Variants in EHD2 observed in about 807,000 individuals in gnomAD.
EHD2 encodes the protein EH domain-containing protein 2.
A neutral mutation model predicts 41.0 loss-of-function variants in EHD2; 27 were observed. That is an observed-to-expected ratio of 0.66 (90% confidence interval 0.49 to 0.91). EHD2 has a LOEUF of 0.91. EHD2 is among the 40% of genes least tolerant of loss of function. The pLI, the probability that EHD2 is intolerant of heterozygous loss-of-function variation, is 0.00. For synonymous variants in EHD2, 342 were observed against 341.0 expected (o/e 1.00, Z -0.03); for missense variants, 673 against 773.9 (o/e 0.87, Z 1.55).
chr19:47,724,372 A>G (rs1190556682), intron 3 of EHD2, among the ~76,000 whole-genome samples: 4 of 152,134 alleles, frequency 2.6e-5, no homozygotes, highest in Non-Finnish European at 5.9e-5. Context: ...CAACAGTCCT[A>G]TGATTTGCAT....
intron 1 of EHD2, among the ~76,000 whole-genome samples, chr19:47,713,751 T>C (rs1397683765): frequency 1.3e-5 from 2 of 149,568 alleles, no homozygotes; most frequent in African/African-American, 4.9e-5. Context: ...TCCTCCAGTC[T>C]TTCGCAGCCT....
chr19:47,728,728 C>T (rs955137940), intron 4 of EHD2, among the ~76,000 whole-genome samples: 1 of 151,450 alleles, frequency 6.6e-6, no homozygotes, highest in African/African-American at 2.4e-5. Context: ...GCCACCACAC[C>T]CAGCTAATTT....
Position 47,719,652 on chromosome 19 carries a change from G to C in EHD2, c.502+1046G>C, listed in dbSNP as rs900087243. Among the ~76,000 whole-genome samples the C allele has an allele frequency of 6.6e-6, 1 of 152,142 alleles. No homozygotes were observed. The highest frequency in any genetic ancestry group is 1.5e-5 in the Non-Finnish European group (1 of 68,014). On this transcript the variant is annotated intron_variant, in intron 3 of 5. Transcript: ENST00000263277. This position sits in a 1 kb window ranked among gnomAD's most constrained non-coding sequence, Gnocchi z 4.1. ...GGCCTGGGGTGGGGTGGGGACGCTG[G>C]GGGTGACCATGTCTCTGGCTGCCGT...
chr19:47,739,274 ATTTTTTTTT>A (rs57266469), intron 5 of EHD2, among the ~76,000 whole-genome samples: 176 of 116,050 alleles, frequency 1.5e-3, no homozygotes, highest in African/African-American at 4.7e-3. Context: ...CTAATTTTTA[ATTTTTTTTT>A]TTTTTTTTTT....
chr19:47,738,685 G>A (rs1966950375), intron 5 of EHD2, among the ~76,000 whole-genome samples: 1 of 152,252 alleles, frequency 6.6e-6, no homozygotes, highest in Non-Finnish European at 1.5e-5. Context: ...AGCTGCACAT[G>A]CAACCTGTGC....
Position 47,740,971 on chromosome 19 carries a change from G to A in EHD2, c.1171G>A (p.Ala391Thr), listed in dbSNP as rs775528505. 6.8e-6 allele frequency: 11 copies of A among 1,612,116 alleles called. No individual in the cohort carries two copies. In the Admixed American group the frequency reaches 1.2e-4, roughly 17 times the overall value. Residue 391 changes from alanine (A) to threonine (T), a missense_variant, in exon 6 of 6, where the codon GCC becomes ACC. Ala to Thr is a moderately conservative substitution (Grantham distance 58, BLOSUM62 0). Coordinates refer to ENST00000263277, the MANE Select transcript of EHD2 (RefSeq NM_014601.4). The stretch of plus-strand genomic sequence containing the variant: ...GGACGAGATGCTGACGCACGACATC[G>A]CCAAGCTCATGCCCCTGCTGCGGCA... ...ALDEMLTHDI[A>T]KLMPLLRQEE...
At position 47,726,056 on chromosome 19, in the gene EHD2, G is replaced by A. The variant is rs564807856; in HGVS notation, c.747G>A (p.Val249=). 4.2e-5 allele frequency: 67 copies of A among 1,586,800 alleles called. No individual in the cohort carries two copies. In the South Asian group the frequency reaches 6.9e-4, roughly 16 times the overall value. The change falls in exon 4 of 6, where the codon GTG becomes GTA. Residue 249 remains valine, a synonymous_variant. Coordinates refer to ENST00000263277, the MANE Select transcript of EHD2 (RefSeq NM_014601.4). ...GCAAGGTGGTGGGCACGCCCGAGGTGCTGCGCGTCTACATCGGCTCCTTCT... is the reference window on the plus strand; with the variant it reads ...GCAAGGTGGTGGGCACGCCCGAGGTACTGCGCGTCTACATCGGCTCCTTCT... ...ALGKVVGTPE[V]LRVYIGSFWS...
At chr19:47,733,261 T>C (rs1177612734) in intron 4 of EHD2, among the ~76,000 whole-genome samples, 3 of 149,258 alleles carry the variant, frequency 2.0e-5, no homozygotes, top group African/African-American at 4.9e-5. Context: ...TTTGAGACAG[T>C]GTCTTGCTCT....
rs201207596 is a variant in EHD2 at position 47,716,958 on chromosome 19, G to A, written c.346G>A (p.Val116Met). Residue 116 changes from valine (V) to methionine (M), a missense_variant, in exon 2 of 6, where the codon GTG becomes ATG. Physicochemically the swap from Val to Met is conservative, Grantham distance 21. Coordinates refer to ENST00000263277, the MANE Select transcript of EHD2 (RefSeq NM_014601.4). ...CACCGTGCCCGGCAACGCCCTCGTC[G>A]TGGACCCGGACAAGCCCTTCCGCAA... is the stretch of plus-strand genomic sequence containing the variant. Reference protein sequence around the residue: ...EGTVPGNALVVDPDKPFRKLN... With the variant: ...EGTVPGNALVMDPDKPFRKLN... The A allele has an allele frequency of 3.0e-4, 482 of 1,606,122 alleles. 1 individual carries two copies. Among genetic ancestry groups the A allele is most frequent in the Non-Finnish European group, 3.0e-4 (352 of 1,179,952 alleles).
In EHD2 at chr19:47,719,298, G is replaced by A. The variant is rs564721728; in HGVS notation, c.502+692G>A. Among the ~76,000 whole-genome samples, 1 of 152,230 alleles carries A rather than the reference G, an allele frequency of 6.6e-6. No individual in the cohort carries two copies. Among genetic ancestry groups the A allele is most frequent in the South Asian group, 2.1e-4 (1 of 4,822 alleles). On this transcript the variant is annotated intron_variant, in intron 3 of 5. Transcript: ENST00000263277. The surrounding 1 kb of genome is among the most constrained non-coding windows in gnomAD (Gnocchi z 4.1). Reference sequence around the variant, plus strand: ...GGCAGGGGAGGCAGAGCCCGGGCAGGGGAGGCTGGGCCCTGCGAGCTCCTG... The same window carrying A: ...GGCAGGGGAGGCAGAGCCCGGGCAGAGGAGGCTGGGCCCTGCGAGCTCCTG...
intron 3 of EHD2, among the ~76,000 whole-genome samples, chr19:47,721,207 A>G (rs1291639270): frequency 1.3e-5 from 2 of 150,904 alleles, no homozygotes; most frequent in Non-Finnish European, 3.0e-5. Context: ...ATGCGAGCTC[A>G]TGTGTGTGGC....
At chr19:47,736,328 G>A (rs1568593293) in intron 4 of EHD2, 41 bp from the exon 5 acceptor site, 1 of 1,570,838 alleles carries the variant, frequency 6.4e-7, no homozygotes, top group South Asian at 1.2e-5. Context: ...AAGCTCCCTG[G>A]TGGACCCTGA....
intron 3 of EHD2, among the ~76,000 whole-genome samples, chr19:47,724,724 G>C (rs1343972397): frequency 6.6e-6 from 1 of 152,066 alleles, no homozygotes; most frequent in Non-Finnish European, 1.5e-5. Flanking sequence ...ACAGGGCTTG[G>C]CACACATGAG....
At chr19:47,723,331 A>G (rs546262083) in intron 3 of EHD2, among the ~76,000 whole-genome samples, 196 of 152,274 alleles carry the variant, frequency 1.3e-3, no homozygotes, top group African/African-American at 4.2e-3. Flanking sequence ...TTTTAAAAAA[A>G]CAGTTTCATT....
rs534885361 is a variant in EHD2 at position 47,732,468 on chromosome 19, G to A, written c.916-3901G>A. Among the ~76,000 whole-genome samples the A allele has an allele frequency of 4.6e-5, 7 of 152,040 alleles. No homozygotes were observed. The South Asian group carries it at 1.5e-3, about 32-fold the overall frequency. On this transcript the variant is annotated intron_variant, in intron 4 of 5. Coordinates refer to ENST00000263277, the MANE Select transcript of EHD2 (RefSeq NM_014601.4). ...AAGGCTCGCTGTGTCGCCCAGACTG[G>A]AGTGCAGTGGCGACATCATAGCTCA...
In EHD2 at chr19:47,716,417, G is replaced by T. The variant is rs1402020778; in HGVS notation, c.-55-141G>T. Reference sequence around the variant, plus strand: ...TCCTGCCACCTGCCATCCATGCTCTGTGACCACATATTTGTGACCACAAAT... The same window carrying T: ...TCCTGCCACCTGCCATCCATGCTCTTTGACCACATATTTGTGACCACAAAT... On this transcript the variant is annotated intron_variant, in intron 1 of 5. Transcript: ENST00000263277. 10 of 528,440 alleles carry T rather than the reference G, an allele frequency of 1.9e-5. No homozygotes were observed. The East Asian group carries it at 3.1e-4, about 16-fold the overall frequency. 32.7% of individuals were successfully genotyped at this position (528,440 alleles called of 1,614,324 possible).
intron 4 of EHD2, among the ~76,000 whole-genome samples, chr19:47,731,047 G>A (rs1973801837): frequency 6.6e-6 from 1 of 151,458 alleles, no homozygotes; most frequent in Non-Finnish European, 1.5e-5. Flanking sequence ...AGAGGAAGGG[G>A]TAAGAGGAAG....
intron 2 of EHD2, among the ~76,000 whole-genome samples, chr19:47,717,719 C>T (rs1973643964): frequency 6.6e-6 from 1 of 151,736 alleles, no homozygotes; most frequent in Admixed American, 6.6e-5. Context: ...CCAGCCTGGC[C>T]AACATGGTGA....
At chr19:47,717,269 G>C (rs1973639241) in intron 2 of EHD2, among the ~76,000 whole-genome samples, 1 of 151,982 alleles carries the variant, frequency 6.6e-6, no homozygotes, top group South Asian at 2.1e-4. Context: ...GGCTGGTCTT[G>C]AACTCCTGGC....
Sources: gnomAD v4.1 joint callset for allele counts (sites outside exome capture counted in the v4.1 genomes callset) on GRCh38, gnomAD v4.1.1 for gene constraint, Gnocchi (gnomAD v3.1) non-coding constraint, MANE v1.5 for transcripts, NCBI Gene and HGNC (gene_info 2026-07-23, HGNC 2026-07-21) for gene names.